ZNF569: variants seen among roughly 807,000 people sequenced by gnomAD.
ZNF569 encodes zinc finger protein 569, also known as DNA-binding protein.
Under a neutral mutation model 56.3 loss-of-function variants are expected in ZNF569, and 38 were observed. The observed-to-expected ratio is 0.68, with a 90% CI of 0.52 to 0.88. The LOEUF (loss-of-function observed/expected upper bound fraction) is 0.88, where lower values mean the gene tolerates loss of function less well. ZNF569 is among the 40% of genes least tolerant of loss of function. ZNF569 has a pLI of 0.00. For missense variants in ZNF569, 666 were observed against 809.2 expected (o/e 0.82, Z 2.15); for synonymous variants, 241 against 262.9 (o/e 0.92, Z 0.81).
chr19:37,441,155 C>A (rs1488274238), intron 3 of ZNF569, among the ~76,000 whole-genome samples: 1 of 152,226 alleles, frequency 6.6e-6, no homozygotes, highest in African/African-American at 2.4e-5. Context: ...CTCTTACAGG[C>A]CTGGAATAGA....
chr19:37,453,027 AATT>A (rs919089080), intron 2 of ZNF569, among the ~76,000 whole-genome samples: 7 of 152,036 alleles, frequency 4.6e-5, no homozygotes, highest in Admixed American at 3.3e-4. Context: ...CCCCTGACTG[AATT>A]ATTTCTAATG....
chr19:37,413,149 G>GC lies in ZNF569; in HGVS notation c.1508_1509insG (p.Phe503LeufsTer21). The GC allele has an allele frequency of 6.2e-7, 1 of 1,608,410 alleles. No homozygotes were observed. The highest frequency in any genetic ancestry group is 8.5e-7 in the Non-Finnish European group (1 of 1,177,828). ...GTGTAATGAAGTTTTGCTTTTGGCT[G>GC]AAGGCTTTACCACATTCATTGCATT... On this transcript the variant is annotated frameshift_variant, in exon 6 of 6. Transcript: ENST00000316950. LOFTEE classifies it high-confidence loss of function.
intron 2 of ZNF569, among the ~76,000 whole-genome samples, chr19:37,451,572 C>A (rs2041594678): frequency 6.6e-6 from 1 of 151,848 alleles, no homozygotes; most frequent in African/African-American, 2.4e-5. Flanking sequence ...TATATTTCTC[C>A]CTTCAATTTT....
At chr19:37,451,399 G>GGA (rs1568743507) in intron 2 of ZNF569, among the ~76,000 whole-genome samples, 1 of 105,160 alleles carries the variant, frequency 9.5e-6, no homozygotes, top group Non-Finnish European at 2.1e-5. Context: ...GACCCCATCT[G>GGA]AAAAAAAAAA....
At chr19:37,444,497 T>A (rs140109412) in intron 3 of ZNF569, among the ~76,000 whole-genome samples, 14 of 152,340 alleles carry the variant, frequency 9.2e-5, no homozygotes, top group Admixed American at 2.6e-4. Context: ...ATAGTTACAC[T>A]TTGTTTTATC....
chr19:37,444,613 G>A (rs1410987468), intron 3 of ZNF569, among the ~76,000 whole-genome samples: 19 of 152,060 alleles, frequency 1.2e-4, no homozygotes, highest in Admixed American at 1.2e-3. Context: ...ATTTCTGTTA[G>A]AAAATGTTGA....
chr19:37,440,518 C>T (rs899671043), intron 3 of ZNF569, among the ~76,000 whole-genome samples: 2 of 152,046 alleles, frequency 1.3e-5, no homozygotes, highest in African/African-American at 4.8e-5. Context: ...CTATACAACA[C>T]TGTGAATGTA....
chr19:37,445,296 A>G (rs1316604093), intron 2 of ZNF569, among the ~76,000 whole-genome samples: 1 of 152,236 alleles, frequency 6.6e-6, no homozygotes, highest in Non-Finnish European at 1.5e-5. Flanking sequence ...CATTTAAGAC[A>G]GTCATAATTA....
intron 2 of ZNF569, among the ~76,000 whole-genome samples, chr19:37,459,761 G>A (rs2041728152): frequency 6.6e-6 from 1 of 152,104 alleles, no homozygotes; most frequent in African/African-American, 2.4e-5. Flanking sequence ...TACAGCACAC[G>A]GATAAGTGAA....
At chr19:37,452,571 G>A (rs1308978006) in intron 2 of ZNF569, among the ~76,000 whole-genome samples, 1 of 151,950 alleles carries the variant, frequency 6.6e-6, no homozygotes, top group Non-Finnish European at 1.5e-5. Context: ...TTCCGGGTTG[G>A]CAGAGATTTT....
In ZNF569 at chr19:37,419,056, T is replaced by C. The variant is rs139206547; in HGVS notation, c.239-4637A>G. Reference sequence around the variant, plus strand: ...TGGATTTCTCTAACAATCAGTGATATTGAACTTTCTTTCATAAGCTTCTTG... The same window carrying C: ...TGGATTTCTCTAACAATCAGTGATACTGAACTTTCTTTCATAAGCTTCTTG... On this transcript the variant is annotated intron_variant, in intron 5 of 5. Coordinates refer to ENST00000316950, the MANE Select transcript of ZNF569 (RefSeq NM_152484.3). Among the ~76,000 whole-genome samples the C allele has an allele frequency of 2.1e-3, 319 of 152,340 alleles. 2 individuals are homozygous for C. Among genetic ancestry groups the C allele is most frequent in the African/African-American group, 7.3e-3 (305 of 41,578 alleles).
At chr19:37,416,235 CACAAA>C (rs1432440511) in intron 5 of ZNF569, among the ~76,000 whole-genome samples, 5 of 135,904 alleles carry the variant, frequency 3.7e-5, no homozygotes, top group African/African-American at 1.4e-4. Flanking sequence ...TGTGTCAAAA[CACAAA>C]ACAAACAAAC....
chr19:37,447,816 G>A (rs1225593222), intron 2 of ZNF569, among the ~76,000 whole-genome samples: 1 of 152,120 alleles, frequency 6.6e-6, no homozygotes, highest in Non-Finnish European at 1.5e-5. Context: ...TTGTTAACAT[G>A]AATGAATGTT....
chr19:37,443,306 AC>A (rs1312788564), intron 3 of ZNF569, among the ~76,000 whole-genome samples: 4 of 152,214 alleles, frequency 2.6e-5, no homozygotes, highest in African/African-American at 9.6e-5. Context: ...AGATCGCATC[AC>A]TGCACTCCAC....
chr19:37,448,390 T>A (rs1240543022), intron 2 of ZNF569, among the ~76,000 whole-genome samples: 1 of 152,112 alleles, frequency 6.6e-6, no homozygotes, highest in Non-Finnish European at 1.5e-5. Flanking sequence ...ATTATCCTTT[T>A]CAAATCTGTG....
At chr19:37,415,326 A>T (rs538786318) in intron 5 of ZNF569, among the ~76,000 whole-genome samples, 137 of 152,290 alleles carry the variant, frequency 9.0e-4, no homozygotes, top group African/African-American at 3.1e-3. Context: ...AAAATCAAGT[A>T]ATCATTTCTG....
intron 2 of ZNF569, among the ~76,000 whole-genome samples, chr19:37,450,021 C>G (rs1281994332): frequency 6.6e-6 from 1 of 152,160 alleles, no homozygotes; most frequent in African/African-American, 2.4e-5. Flanking sequence ...CCCACTTAGT[C>G]ATTGTGGATG....
chr19:37,468,046 T>A, upstream of ZNF569: 1 of 928,692 alleles, frequency 1.1e-6, no homozygotes, highest in Non-Finnish European at 1.6e-6. Flanking sequence ...TCAGACTAGG[T>A]ACTTAACTTC....
chr19:37,413,234 A>T lies in ZNF569; in HGVS notation c.1424T>A (p.Phe475Tyr), dbSNP rs763336215. Residue 475 changes from phenylalanine (F) to tyrosine (Y), a missense_variant, in exon 6 of 6, where the codon TTT becomes TAT. By Grantham distance (22) the Phe-to-Tyr change is conservative (BLOSUM62 3). Coordinates refer to ENST00000316950, the MANE Select transcript of ZNF569 (RefSeq NM_152484.3). ...PYICKECGKA[F>Y]SQKSNLIAHE... is the part of the protein sequence containing the mutation. ...AGCAATGAGATTTGATTTCTGGCTA[A>T]AGGCTTTCCCACATTCCTTACATAT... 1.9e-6 allele frequency: 3 copies of T among 1,611,274 alleles called. No individual in the cohort carries two copies. Among genetic ancestry groups the T allele is most frequent in the South Asian group, 2.2e-5 (2 of 90,474 alleles).
Sources: gnomAD v4.1 joint callset for allele counts (sites outside exome capture counted in the v4.1 genomes callset) on GRCh38, gnomAD v4.1.1 for gene constraint, MANE v1.5 for transcripts, NCBI Gene and HGNC (gene_info 2026-07-23, HGNC 2026-07-21) for gene names.